The following KCNU1 variants were observed in gnomAD, a reference collection of about 807,000 sequenced individuals.
KCNU1 encodes potassium channel subfamily U member 1.
Under a neutral mutation model 126.8 loss-of-function variants are expected in KCNU1, and 93 were observed. The observed-to-expected ratio is 0.73, with a 90% CI of 0.62 to 0.87. The LOEUF (loss-of-function observed/expected upper bound fraction) is 0.87, where lower values mean the gene tolerates loss of function less well. Ranked by LOEUF, KCNU1 falls within the 40% of genes least tolerant of loss-of-function variation. KCNU1 has a pLI of 0.00. For synonymous variants in KCNU1, 523 were observed against 494.2 expected, an observed-to-expected ratio of 1.06 and a Z score of -0.77; for missense variants, 1,330 against 1,367.1, an observed-to-expected ratio of 0.97 and a Z score of 0.43.
At chr8:36,821,327 G>A (rs191207369) in intron 10 of KCNU1, among the ~76,000 whole-genome samples, 140 of 152,226 alleles carry the variant, frequency 9.2e-4, no homozygotes, top group African/African-American at 3.1e-3. Flanking sequence ...CTGTAGACCC[G>A]TGATTTCTCA....
chr8:36,896,111 A>AT (rs34602024), intron 19 of KCNU1, among the ~76,000 whole-genome samples: 51,426 of 151,718 alleles, frequency 0.34, 9,459 homozygotes, highest in Admixed American at 0.41. Context: ...CTTAAAAATT[A>AT]TTTTTTTATT....
intron 19 of KCNU1, among the ~76,000 whole-genome samples, chr8:36,904,674 TCACC>T (rs1447029062): frequency 2.0e-5 from 3 of 151,956 alleles, no homozygotes; most frequent in Non-Finnish European, 4.4e-5. Flanking sequence ...ATGAAGTGAG[TCACC>T]CTGAGCCAAG....
At position 36,933,634 on chromosome 8, in the gene KCNU1, G is replaced by T. The variant is rs539794926; in HGVS notation, c.3044+602G>T. On this transcript the variant is annotated intron_variant, in intron 26 of 26. Transcript: ENST00000399881. ...AGATCCTCACAGTGGGAATGGAAAG[G>T]ATTCAGAAGGGAAGAAGAAACAGAA... 2.6e-5 allele frequency among the ~76,000 whole-genome samples: 4 copies of T among 152,216 alleles called. No homozygotes were observed. In the South Asian group the frequency reaches 6.2e-4, roughly 24 times the overall value.
intron 19 of KCNU1, among the ~76,000 whole-genome samples, chr8:36,891,840 G>T (rs1271775985): frequency 6.6e-6 from 1 of 151,924 alleles, no homozygotes; most frequent in East Asian, 1.9e-4. Flanking sequence ...TCTTATTAAG[G>T]ATCCCTTGTA....
At chr8:36,884,473 T>C (rs1446543102) in intron 19 of KCNU1, among the ~76,000 whole-genome samples, 1 of 152,124 alleles carries the variant, frequency 6.6e-6, no homozygotes, top group African/African-American at 2.4e-5. Flanking sequence ...CGGTGGCTCA[T>C]GCCTGTAATC....
intron 19 of KCNU1, chr8:36,889,451 T>C: frequency 3.4e-6 from 1 of 296,700 alleles, no homozygotes; most frequent in South Asian, 3.1e-5. Flanking sequence ...ACTTATTTGG[T>C]GTGGAGGCAT....
At chr8:36,800,398 A>G (rs1803259852) in intron 2 of KCNU1, among the ~76,000 whole-genome samples, 1 of 152,208 alleles carries the variant, frequency 6.6e-6, no homozygotes, top group African/African-American at 2.4e-5. Flanking sequence ...CTTGGGGAAT[A>G]AGGCTGGGGC....
chr8:36,873,432 A>G (rs1488175731), intron 19 of KCNU1, among the ~76,000 whole-genome samples: 1 of 152,146 alleles, frequency 6.6e-6, no homozygotes, highest in Non-Finnish European at 1.5e-5. Context: ...TGTTTACCCA[A>G]CACTATAAAT....
rs139206525 is a variant in KCNU1, at chr8:36,828,766, ATTTGTGCTTGT to A, written c.1107-4787_1107-4777del. 5.0e-3 allele frequency among the ~76,000 whole-genome samples: 758 copies of A among 152,132 alleles called. 10 individuals are homozygous for A. The highest frequency in any genetic ancestry group is 0.017 in the African/African-American group (719 of 41,524). On this transcript the variant is annotated intron_variant, in intron 10 of 26. Transcript: ENST00000399881. Reference sequence around the variant, plus strand: ...TGTTTCTGTGTGCATGTTTATGTGCATTTGTGCTTGTACGTGTGTGTGCTTAATAGTGTCAA... The same window carrying A: ...TGTTTCTGTGTGCATGTTTATGTGCAACGTGTGTGTGCTTAATAGTGTCAA...
intron 18 of KCNU1, 124 bp downstream of exon 18, chr8:36,846,023 A>G: frequency 1.6e-6 from 1 of 641,426 alleles, no homozygotes; most frequent in Non-Finnish European, 2.8e-6. Context: ...AGTGGCAGAC[A>G]TTTCCTCACT....
At chr8:36,907,580 G>A (rs973124553) in intron 20 of KCNU1, among the ~76,000 whole-genome samples, 5 of 152,106 alleles carry the variant, frequency 3.3e-5, no homozygotes, top group African/African-American at 9.7e-5. Context: ...ATTTCCCCTC[G>A]CAGGGAGATC....
At chr8:36,879,297 T>C (rs531966272) in intron 19 of KCNU1, among the ~76,000 whole-genome samples, 37 of 149,078 alleles carry the variant, frequency 2.5e-4, no homozygotes, top group Non-Finnish European at 5.0e-4. Context: ...GTTATATATA[T>C]ACCCATATAT....
intron 10 of KCNU1, among the ~76,000 whole-genome samples, chr8:36,821,263 A>G (rs1487403174): frequency 6.6e-6 from 1 of 152,194 alleles, no homozygotes; most frequent in Admixed American, 6.5e-5. Context: ...GAACTGGGCC[A>G]TAATTGAGAA....
At chr8:36,806,190 A>T in intron 4 of KCNU1, 79 bp from the exon 5 acceptor site, 5 of 767,798 alleles carry the variant, frequency 6.5e-6, no homozygotes, top group Non-Finnish European at 1.1e-5. Flanking sequence ...AGTAAAATGC[A>T]GCTGAATAAT....
intron 10 of KCNU1, among the ~76,000 whole-genome samples, chr8:36,830,252 G>A (rs1028756493): frequency 1.1e-4 from 17 of 151,350 alleles, no homozygotes; most frequent in Admixed American, 7.9e-4. Flanking sequence ...CAAATATAAC[G>A]TTGAAAAAGA....
chr8:36,930,820 T>G (rs1386869351), intron 24 of KCNU1, 131 bp from the exon 25 acceptor site: 1 of 550,686 alleles, frequency 1.8e-6, no homozygotes, highest in African/African-American at 1.9e-5. Flanking sequence ...ATAATAATAA[T>G]GAGAAACACT....
intron 10 of KCNU1, among the ~76,000 whole-genome samples, chr8:36,820,093 G>A (rs1804066739): frequency 6.6e-6 from 1 of 152,142 alleles, no homozygotes; most frequent in Non-Finnish European, 1.5e-5. Flanking sequence ...CATGTGTATA[G>A]CCACTTTGGA....
At chr8:36,848,248 T>G (rs552274293) in intron 18 of KCNU1, among the ~76,000 whole-genome samples, 1 of 152,380 alleles carries the variant, frequency 6.6e-6, no homozygotes, top group East Asian at 1.9e-4. Context: ...TACAGATGTC[T>G]CTTCCGTCTG....
intron 1 of KCNU1, among the ~76,000 whole-genome samples, chr8:36,786,274 A>T (rs1158812885): frequency 6.6e-6 from 1 of 152,220 alleles, no homozygotes; most frequent in Admixed American, 6.5e-5. Context: ...TTTCCACAGA[A>T]GGTAGCTCCA....
Sources: allele counts gnomAD v4.1 joint callset (sites outside exome capture counted in the v4.1 genomes callset), GRCh38; gene constraint gnomAD v4.1.1; transcripts MANE v1.5; gene names NCBI Gene and HGNC (gene_info 2026-07-23, HGNC 2026-07-21).